Variants in CLVS1 observed in about 807,000 individuals in gnomAD.
CLVS1 encodes the protein clavesin-1.
Under a neutral mutation model 33.1 loss-of-function variants are expected in CLVS1, and 10 were observed. The observed-to-expected ratio is 0.30, with a 90% CI of 0.19 to 0.51. The LOEUF (loss-of-function observed/expected upper bound fraction) is 0.51, where lower values mean the gene tolerates loss of function less well. Ranked by LOEUF, CLVS1 falls within the 20% of genes least tolerant of loss-of-function variation. The pLI, the probability that CLVS1 is intolerant of heterozygous loss-of-function variation, is 0.97. For synonymous variants in CLVS1, 163 were observed against 166.1 expected, an observed-to-expected ratio of 0.98 and a Z score of 0.14; for missense variants, 343 against 433.4, an observed-to-expected ratio of 0.79 and a Z score of 1.85.
At chr8:61,002,327 G>GTTT in the CLVS1 span, among the ~76,000 whole-genome samples, 35 of 98,728 alleles carry the variant, frequency 3.5e-4, 1 homozygote, top group Middle Eastern at 5.6e-3. Flanking sequence ...ATGCTTGCTT[G>GTTT]TTTTTTTTTT....
chr8:61,368,190 G>T (rs1338401087), intron 2 of CLVS1, among the ~76,000 whole-genome samples: 1 of 152,174 alleles, frequency 6.6e-6, no homozygotes, highest in South Asian at 2.1e-4. Context: ...GTGAGTTATT[G>T]CACATGCACA....
chr8:61,415,749 T>C (rs1250462251), intron 3 of CLVS1, among the ~76,000 whole-genome samples: 1 of 152,102 alleles, frequency 6.6e-6, no homozygotes, highest in Non-Finnish European at 1.5e-5. Context: ...ACCCTCTTCA[T>C]TGAAGAGATG....
intron 2 of CLVS1, among the ~76,000 whole-genome samples, chr8:61,157,770 T>G (rs1213934605): frequency 6.6e-6 from 1 of 151,862 alleles, no homozygotes; most frequent in Non-Finnish European, 1.5e-5. Flanking sequence ...GATATACAAA[T>G]GGCAGTAAAC....
At chr8:61,057,703 CAGCAAA>C (rs1282901452) in intron 1 of CLVS1, among the ~76,000 whole-genome samples, 1 of 151,750 alleles carries the variant, frequency 6.6e-6, no homozygotes, top group African/African-American at 2.4e-5. Context: ...TGGGATAAAT[CAGCAAA>C]AGCCTTGGCT....
chr8:60,989,273 C>T, the CLVS1 span, among the ~76,000 whole-genome samples: 6 of 152,092 alleles, frequency 3.9e-5, no homozygotes, highest in East Asian at 1.9e-4. Context: ...CTCCACCTCC[C>T]GGGTTCAAGC....
At chr8:61,458,698 A>C in intron 5 of CLVS1, 156 bp downstream of exon 5, 1 of 594,054 alleles carries the variant, frequency 1.7e-6, no homozygotes, top group Non-Finnish European at 2.9e-6. Context: ...CTAAAACTGA[A>C]AACAAATGGG....
chr8:60,988,629 A>G, the CLVS1 span, among the ~76,000 whole-genome samples: 1 of 152,244 alleles, frequency 6.6e-6, no homozygotes, highest in African/African-American at 2.4e-5. Flanking sequence ...TGTGCTTTAC[A>G]GTATCCATAG....
upstream of CLVS1, among the ~76,000 whole-genome samples, chr8:61,056,525 ACTCT>A (rs927361470): frequency 1.3e-5 from 2 of 151,916 alleles, no homozygotes; most frequent in Admixed American, 6.6e-5. Context: ...GATCATGATT[ACTCT>A]CTCTTTCTTT....
At chr8:61,000,163 T>A in the CLVS1 span, among the ~76,000 whole-genome samples, 7 of 152,212 alleles carry the variant, frequency 4.6e-5, no homozygotes, top group African/African-American at 1.7e-4. Flanking sequence ...TTGCTCTGAA[T>A]CCAATGATTT....
intron 2 of CLVS1, chr8:61,202,364 T>C (rs1409526450): frequency 8.0e-6 from 6 of 745,708 alleles, no homozygotes; most frequent in Non-Finnish European, 9.9e-6. Flanking sequence ...GAAGATCTGA[T>C]GGACGTGGAC....
intron 2 of CLVS1, among the ~76,000 whole-genome samples, chr8:61,373,464 A>G (rs1813519590): frequency 6.6e-6 from 1 of 152,200 alleles, no homozygotes; most frequent in African/African-American, 2.4e-5. Flanking sequence ...TCCAAAATGC[A>G]TAGAATGGTT....
intron 2 of CLVS1, among the ~76,000 whole-genome samples, chr8:61,270,851 G>A (rs533103808): frequency 4.9e-4 from 74 of 152,010 alleles, no homozygotes; most frequent in South Asian, 1.0e-3. Flanking sequence ...CTGTGGGATC[G>A]GTGGTGATAT....
chr8:61,016,696 G>A, the CLVS1 span, among the ~76,000 whole-genome samples: 1 of 152,214 alleles, frequency 6.6e-6, no homozygotes, highest in Non-Finnish European at 1.5e-5. Flanking sequence ...GTAAATGTGT[G>A]TGTGCTTGCA....
chr8:61,030,073 G>A, the CLVS1 span, among the ~76,000 whole-genome samples: 1 of 152,328 alleles, frequency 6.6e-6, no homozygotes, highest in East Asian at 1.9e-4. Flanking sequence ...GTGGGCTGAT[G>A]CTGCCATTTG....
chr8:61,269,452 A>G (rs1426601714), intron 2 of CLVS1, among the ~76,000 whole-genome samples: 3 of 151,906 alleles, frequency 2.0e-5, no homozygotes, highest in Non-Finnish European at 4.4e-5. Context: ...AGGTAGTGTG[A>G]TGCCTCCAGC....
chr8:61,163,787 G>T (rs140668269), intron 2 of CLVS1, among the ~76,000 whole-genome samples: 12 of 152,218 alleles, frequency 7.9e-5, no homozygotes, highest in African/African-American at 2.7e-4. Context: ...CCTTTAGGCC[G>T]TTGGGGAGTA....
At chr8:61,191,546 A>T (rs1807478012) in intron 2 of CLVS1, among the ~76,000 whole-genome samples, 1 of 152,204 alleles carries the variant, frequency 6.6e-6, no homozygotes, top group Admixed American at 6.5e-5. Context: ...AGGAGAAAGA[A>T]ATAAAGGATA....
intron 2 of CLVS1, among the ~76,000 whole-genome samples, chr8:61,253,454 T>C (rs2129591807): frequency 6.6e-6 from 1 of 152,322 alleles, no homozygotes; most frequent in Non-Finnish European, 1.5e-5. Context: ...TTTCCTGAAT[T>C]TGAATGTTGG....
intron 1 of CLVS1, among the ~76,000 whole-genome samples, chr8:61,112,581 T>C (rs10095535): frequency 0.46 from 70,394 of 152,062 alleles, 17,215 homozygotes; most frequent in East Asian, 0.82. Context: ...AAGTGAATAC[T>C]GGATATGTAT....
Sources: gnomAD v4.1 joint callset for allele counts (sites outside exome capture counted in the v4.1 genomes callset) on GRCh38, gnomAD v4.1.1 for gene constraint, MANE v1.5 for transcripts, NCBI Gene and HGNC (gene_info 2026-07-23, HGNC 2026-07-21) for gene names.